Variants in ANO4 observed in about 807,000 individuals in gnomAD.
ANO4 encodes the protein anoctamin 4.
A neutral mutation model predicts 141.9 loss-of-function variants in ANO4; 69 were observed. That is an observed-to-expected ratio of 0.49 (90% CI 0.40 to 0.59). ANO4 has a LOEUF of 0.59. Among genes scored for constraint, ANO4 ranks in the 20% least tolerant of loss-of-function variants. The probability of loss-of-function intolerance (pLI) is 0.00; values close to 1 mark genes in which losing one functional copy is unlikely to be tolerated. For missense variants in ANO4, 894 were observed against 1,162.2 expected (o/e 0.77, Z 3.36); for synonymous variants, 350 against 394.3 (o/e 0.89, Z 1.33).
At chr12:101,088,184 C>T (rs2049586801) in intron 17 of ANO4, among the ~76,000 whole-genome samples, 1 of 152,174 alleles carries the variant, frequency 6.6e-6, no homozygotes, top group African/African-American at 2.4e-5. Flanking sequence ...GCTCCAGCCG[C>T]ACTTGTCCTT....
intron 26 of ANO4, among the ~76,000 whole-genome samples, chr12:101,120,944 A>G (rs1363674555): frequency 3.9e-5 from 6 of 152,182 alleles, no homozygotes; most frequent in Non-Finnish European, 8.8e-5. Flanking sequence ...ATATTCTGAC[A>G]TACCATGTCT....
intron 1 of ANO4, among the ~76,000 whole-genome samples, chr12:100,829,929 G>A (rs1444514261): frequency 2.6e-5 from 4 of 152,034 alleles, no homozygotes; most frequent in Non-Finnish European, 5.9e-5. Flanking sequence ...CACAGTTTGT[G>A]TAAGAACCAG....
intron 1 of ANO4, chr12:100,842,076 C>CCCCCCCCCG (rs1252779548): frequency 1.0e-5 from 1 of 96,686 alleles, no homozygotes; most frequent in Non-Finnish European, 2.1e-5. Flanking sequence ...CCCCCCCCCC[C>CCCCCCCCCG]CACTGAAAGC....
chr12:101,102,987 T>G (rs1200149784), intron 22 of ANO4, among the ~76,000 whole-genome samples: 1 of 151,532 alleles, frequency 6.6e-6, no homozygotes, highest in Non-Finnish European at 1.5e-5. Flanking sequence ...AATGATGTTT[T>G]TATTGTTTTA....
chr12:101,111,626 T>C lies in ANO4; in HGVS notation c.2366T>C (p.Ile789Thr), dbSNP rs1227995087. Residue 789 changes from isoleucine (I) to threonine (T), a missense_variant, in exon 24 of 28, where the codon ATA becomes ACA. By Grantham distance (89) the Ile-to-Thr change is moderately conservative. Around this residue, in one of 2 missense-constraint regions of ANO4, gnomAD observed 637 missense variants for 909.2 expected, o/e 0.70. Transcript: ENST00000392977. ...TCTGTTATCACAAATGCATTTGTCA[T>C]AGCGATAACATCTGACTTTATCCCT... ...ILSVITNAFV[I>T]AITSDFIPRL... The C allele has an allele frequency of 1.2e-6, 2 of 1,612,532 alleles. No individual in the cohort carries two copies. Among genetic ancestry groups the C allele is most frequent in the Non-Finnish European group, 1.7e-6 (2 of 1,179,236 alleles).
intron 7 of ANO4, among the ~76,000 whole-genome samples, chr12:100,986,248 G>A (rs185732654): frequency 3.3e-4 from 51 of 152,258 alleles, no homozygotes; most frequent in South Asian, 2.1e-3. Context: ...TAAGAAGGAG[G>A]CCTAGGAAAC....
At chr12:100,945,623 C>T (rs2042688961) in intron 5 of ANO4, among the ~76,000 whole-genome samples, 1 of 152,024 alleles carries the variant, frequency 6.6e-6, no homozygotes, top group South Asian at 2.1e-4. Context: ...AAATCATTGT[C>T]CTCAATAAGA....
intron 14 of ANO4, among the ~76,000 whole-genome samples, chr12:101,051,834 T>C (rs1403862353): frequency 1.3e-5 from 2 of 152,220 alleles, no homozygotes; most frequent in African/African-American, 4.8e-5. Context: ...TTTAGAGACC[T>C]GAACCTTAAA....
chr12:100,978,416 A>G (rs1213187218), intron 7 of ANO4, among the ~76,000 whole-genome samples: 7 of 152,198 alleles, frequency 4.6e-5, no homozygotes, highest in Admixed American at 4.6e-4. Flanking sequence ...TAGAATCTCA[A>G]GGTTTTATGG....
intron 5 of ANO4, among the ~76,000 whole-genome samples, chr12:100,959,652 A>G (rs2043324260): frequency 6.6e-6 from 1 of 152,076 alleles, no homozygotes; most frequent in South Asian, 2.1e-4. Flanking sequence ...TTTCCTCCAC[A>G]TGGTGAGTCA....
intron 10 of ANO4, among the ~76,000 whole-genome samples, chr12:101,037,648 A>G (rs182470093): frequency 9.2e-5 from 14 of 152,348 alleles, no homozygotes; most frequent in African/African-American, 2.6e-4. Context: ...TCTATTTCCT[A>G]CATAGTCTCC....
At chr12:100,985,374 T>G (rs1177475531) in intron 7 of ANO4, among the ~76,000 whole-genome samples, 1 of 152,266 alleles carries the variant, frequency 6.6e-6, no homozygotes, top group Non-Finnish European at 1.5e-5. Flanking sequence ...CAGCATTTCC[T>G]GTATACCAGA....
intron 1 of ANO4, among the ~76,000 whole-genome samples, chr12:100,803,457 G>A (rs555155403): frequency 9.5e-4 from 144 of 152,174 alleles, no homozygotes; most frequent in Middle Eastern, 3.4e-3. Flanking sequence ...ATGGTGCCTC[G>A]AGATAAAAAA....
At chr12:101,032,261 C>T (rs1593069968) in intron 9 of ANO4, among the ~76,000 whole-genome samples, 2 of 152,212 alleles carry the variant, frequency 1.3e-5, no homozygotes, top group East Asian at 3.9e-4. Flanking sequence ...AGAACAGAGA[C>T]CTCAGAAATA....
At chr12:100,926,374 T>C (rs958204969) in intron 3 of ANO4, among the ~76,000 whole-genome samples, 9 of 152,110 alleles carry the variant, frequency 5.9e-5, no homozygotes, top group Admixed American at 1.3e-4. Context: ...GTACAGCTTA[T>C]AAAAAAGAAA....
At chr12:100,886,839 C>A (rs2039858061) in intron 1 of ANO4, among the ~76,000 whole-genome samples, 1 of 152,190 alleles carries the variant, frequency 6.6e-6, no homozygotes, top group Non-Finnish European at 1.5e-5. Context: ...ATGCTGACCC[C>A]TTTCTCCCCT....
chr12:100,910,834 A>G (rs2041068347), intron 2 of ANO4, among the ~76,000 whole-genome samples: 1 of 152,172 alleles, frequency 6.6e-6, no homozygotes, highest in Non-Finnish European at 1.5e-5. Context: ...AATTTGTAAA[A>G]TAATGTTTTG....
intron 1 of ANO4, among the ~76,000 whole-genome samples, chr12:100,720,322 C>T (rs1017226092): frequency 6.6e-6 from 1 of 151,942 alleles, no homozygotes; most frequent in African/African-American, 2.4e-5. Context: ...GAAGCCCTCT[C>T]TGAGGAGAAA....
intron 1 of ANO4, among the ~76,000 whole-genome samples, chr12:100,815,119 T>C (rs2035663093): frequency 6.6e-6 from 1 of 152,110 alleles, no homozygotes; most frequent in African/African-American, 2.4e-5. Flanking sequence ...GGAATGGTTA[T>C]CAGTTACCTA....
Sources: gnomAD v4.1 joint callset for allele counts (sites outside exome capture counted in the v4.1 genomes callset) on GRCh38, gnomAD v4.1.1 for gene constraint, gnomAD v4.1.1 regional missense constraint, MANE v1.5 for transcripts, NCBI Gene and HGNC (gene_info 2026-07-23, HGNC 2026-07-21) for gene names.